Variants in GRAP2 observed in about 807,000 individuals in gnomAD.
The protein encoded by GRAP2 is GRB2-related adapter protein 2.
Under a neutral mutation model 43.5 loss-of-function variants are expected in GRAP2, and 31 were observed. The ratio of observed to expected loss-of-function variants is 0.71; its 90% CI spans 0.54 to 0.96. GRAP2 has a LOEUF of 0.96. Ranked by LOEUF, GRAP2 falls within the 40% of genes least tolerant of loss-of-function variation. GRAP2 has a pLI of 0.00. For synonymous variants in GRAP2, 156 were observed against 164.8 expected (o/e 0.95, Z 0.41); for missense variants, 371 against 424.4 (o/e 0.87, Z 1.11).
intron 1 of GRAP2, among the ~76,000 whole-genome samples, chr22:39,943,316 A>G (rs2066889079): frequency 6.6e-6 from 1 of 152,164 alleles, no homozygotes; most frequent in African/African-American, 2.4e-5. Context: ...ATTTTTTAAG[A>G]TTTTTTTGGT....
At chr22:39,947,242 A>T in intron 2 of GRAP2, 58 bp downstream of exon 2, 2 of 825,698 alleles carry the variant, frequency 2.4e-6, no homozygotes, top group Non-Finnish European at 4.4e-6. Context: ...CAGTAATCTG[A>T]CAGTCCCTGC....
chr22:39,954,253 G>A (rs972781332), intron 2 of GRAP2, among the ~76,000 whole-genome samples: 1 of 152,180 alleles, frequency 6.6e-6, no homozygotes, highest in Non-Finnish European at 1.5e-5. Flanking sequence ...CAATAACAAA[G>A]ACTTGTAATT....
At chr22:39,950,408 G>A (rs1478045812) in intron 2 of GRAP2, among the ~76,000 whole-genome samples, 2 of 152,126 alleles carry the variant, frequency 1.3e-5, no homozygotes, top group Non-Finnish European at 2.9e-5. Context: ...GATCCTAATT[G>A]CTCGTTTATG....
intron 1 of GRAP2, among the ~76,000 whole-genome samples, chr22:39,928,212 T>C (rs552147337): frequency 1.9e-4 from 29 of 152,318 alleles, no homozygotes; most frequent in Middle Eastern, 3.4e-3. Flanking sequence ...AGAAATATTG[T>C]TTTTTGAGAA....
At chr22:39,959,231 T>C (rs2067090129) in intron 3 of GRAP2, among the ~76,000 whole-genome samples, 1 of 152,198 alleles carries the variant, frequency 6.6e-6, no homozygotes, top group South Asian at 2.1e-4. Flanking sequence ...CCTGGCCCTG[T>C]GTAAGTGTTT....
chr22:39,902,445 CTG>C (rs2145563448), intron 1 of GRAP2, among the ~76,000 whole-genome samples: 1 of 152,262 alleles, frequency 6.6e-6, no homozygotes, highest in South Asian at 2.1e-4. Context: ...ATAAGGAACA[CTG>C]TGTAAATAGA....
chr22:39,924,389 C>T (rs188099714), intron 1 of GRAP2, among the ~76,000 whole-genome samples: 57 of 152,220 alleles, frequency 3.7e-4, no homozygotes, highest in Admixed American at 9.8e-4. Flanking sequence ...ATGAGTTTTA[C>T]GCAGTAGGCT....
At chr22:39,947,228 T>TA (rs1287740152) in intron 2 of GRAP2, 44 bp downstream of exon 2, 1 of 881,560 alleles carries the variant, frequency 1.1e-6, no homozygotes, top group Admixed American at 1.7e-5. Flanking sequence ...GAGTTTCAGT[T>TA]ACTCAGTAAT....
At chr22:39,911,141 G>A (rs1266867508) in intron 1 of GRAP2, among the ~76,000 whole-genome samples, 1 of 152,208 alleles carries the variant, frequency 6.6e-6, no homozygotes, top group African/African-American at 2.4e-5. Context: ...TAGATGAGGA[G>A]AGAAAAAGTT....
intron 1 of GRAP2, among the ~76,000 whole-genome samples, chr22:39,920,960 AC>A (rs2066645377): frequency 1.4e-5 from 2 of 147,856 alleles, no homozygotes; most frequent in African/African-American, 5.3e-5. Flanking sequence ...ACACACACAC[AC>A]ACACACACAC....
intron 4 of GRAP2, chr22:39,964,338 T>C: frequency 2.8e-6 from 2 of 701,914 alleles, no homozygotes; most frequent in Non-Finnish European, 5.2e-6. Context: ...GAAGTTATCG[T>C]CCAGTGGCAG....
At chr22:39,936,318 T>C (rs760115794) in intron 1 of GRAP2, among the ~76,000 whole-genome samples, 10 of 152,064 alleles carry the variant, frequency 6.6e-5, no homozygotes, top group Non-Finnish European at 1.3e-4. Flanking sequence ...ATCCGAGGTG[T>C]TTCTGTAGAC....
At position 39,969,574 on chromosome 22, in the gene GRAP2, C is replaced by T. The variant is rs763186176; in HGVS notation, c.813+41C>T. 1.7e-5 allele frequency: 27 copies of T among 1,608,404 alleles called. No homozygotes were observed. The South Asian group carries it at 3.0e-4, about 18-fold the overall frequency. On this transcript the variant is annotated intron_variant, in intron 7 of 7. Coordinates refer to ENST00000344138, the MANE Select transcript of GRAP2 (RefSeq NM_004810.4). ...TTCTCTGGGATCCCTGGGGAAAGGCCTTGGGACAGAGGTCAATGGAGGAGA... is the reference window on the plus strand; with the variant it reads ...TTCTCTGGGATCCCTGGGGAAAGGCTTTGGGACAGAGGTCAATGGAGGAGA...
At chr22:39,949,860 C>G (rs2066963436) in intron 2 of GRAP2, among the ~76,000 whole-genome samples, 1 of 152,194 alleles carries the variant, frequency 6.6e-6, no homozygotes, top group African/African-American at 2.4e-5. Flanking sequence ...GACCTCATTA[C>G]CTCTTGTCTT....
At chr22:39,943,459 G>A (rs1569205916) in intron 1 of GRAP2, among the ~76,000 whole-genome samples, 1 of 152,206 alleles carries the variant, frequency 6.6e-6, no homozygotes, top group Non-Finnish European at 1.5e-5. Context: ...AGCTCTTAAA[G>A]GGGTAAGCGA....
At chr22:39,917,304 T>G (rs1569194659) in intron 1 of GRAP2, among the ~76,000 whole-genome samples, 1 of 152,158 alleles carries the variant, frequency 6.6e-6, no homozygotes, top group Non-Finnish European at 1.5e-5. Context: ...AGCCCCCCTC[T>G]CTACAACTCC....
intron 1 of GRAP2, among the ~76,000 whole-genome samples, chr22:39,940,171 G>A (rs752623637): frequency 2.2e-4 from 34 of 152,186 alleles, no homozygotes; most frequent in Non-Finnish European, 4.4e-4. Flanking sequence ...AGTGATTCAA[G>A]AGCAGGCACA....
At position 39,968,203 on chromosome 22, in the gene GRAP2, T is replaced by TGCCCCAGC; in HGVS notation, c.630_637dup (p.Gln213ArgfsTer30). On this transcript the variant is annotated frameshift_variant, in exon 6 of 8. Coordinates refer to ENST00000344138, the MANE Select transcript of GRAP2 (RefSeq NM_004810.4). LOFTEE classifies it high-confidence loss of function. ...AGCACCAGCCACAGCCTCCGCAATATGCCCCAGCGCCCCAGCAGCTGCAGC... is the reference window on the plus strand; with the variant it reads ...AGCACCAGCCACAGCCTCCGCAATATGCCCCAGCGCCCCAGCGCCCCAGCAGCTGCAGC... 1.2e-6 allele frequency: 2 copies of TGCCCCAGC among 1,609,036 alleles called. No individual in the cohort carries two copies. Among genetic ancestry groups the TGCCCCAGC allele is most frequent in the Non-Finnish European group, 8.5e-7 (1 of 1,175,864 alleles).
At chr22:39,957,702 A>T (rs1346317883) in intron 3 of GRAP2, among the ~76,000 whole-genome samples, 1 of 152,150 alleles carries the variant, frequency 6.6e-6, no homozygotes, top group Non-Finnish European at 1.5e-5. Context: ...TGAGAGGCTG[A>T]GGGAGGAGGA....
Sources: gnomAD v4.1 joint callset for allele counts (sites outside exome capture counted in the v4.1 genomes callset) on GRCh38, gnomAD v4.1.1 for gene constraint, MANE v1.5 for transcripts, NCBI Gene and HGNC (gene_info 2026-07-23, HGNC 2026-07-21) for gene names.